Variants in COL15A1 observed in about 807,000 individuals in gnomAD.
COL15A1 encodes the protein collagen alpha-1(XV) chain.
In COL15A1, 111 loss-of-function variants were observed where a neutral mutation model predicts 165.9. The ratio of observed to expected loss-of-function variants is 0.67; its 90% confidence interval spans 0.57 to 0.78. The LOEUF is 0.78. COL15A1 is among the 30% of genes least tolerant of loss of function. COL15A1 has a pLI of 0.00. For synonymous variants in COL15A1, 659 were observed against 674.8 expected (o/e 0.98, Z 0.36); for missense variants, 1,745 against 1,789.7 (o/e 0.98, Z 0.45).
chr9:99,043,105 A>C (rs529927308), intron 24 of COL15A1, among the ~76,000 whole-genome samples: 1 of 151,948 alleles, frequency 6.6e-6, no homozygotes, highest in Admixed American at 6.6e-5. Flanking sequence ...GGAGTCAAGG[A>C]GGGTGGGTGT....
rs183790472 is a variant in COL15A1, at chr9:98,946,568, C to T, written c.100+2318C>T. On this transcript the variant is annotated intron_variant, in intron 2 of 41. Coordinates refer to ENST00000375001, the MANE Select transcript of COL15A1 (RefSeq NM_001855.5). ...TGTCTTACAGAGGGGATGTGACTTCCTCAAGGCCGCATGACTGTAACTGGG... is the reference window on the plus strand; with the variant it reads ...TGTCTTACAGAGGGGATGTGACTTCTTCAAGGCCGCATGACTGTAACTGGG... 3.5e-3 allele frequency among the ~76,000 whole-genome samples: 527 copies of T among 152,304 alleles called. 2 individuals are homozygous for T. Among genetic ancestry groups the T allele is most frequent in the African/African-American group, 0.012 (499 of 41,554 alleles).
At chr9:98,997,235 A>T in intron 6 of COL15A1, 154 bp downstream of exon 6, 1 of 983,052 alleles carries the variant, frequency 1.0e-6, no homozygotes, top group Non-Finnish European at 1.4e-6. Context: ...TACAGACAAG[A>T]GGAGGAAATT....
chr9:98,989,643 T>C (rs749181952), intron 5 of COL15A1, among the ~76,000 whole-genome samples: 5 of 152,132 alleles, frequency 3.3e-5, no homozygotes, highest in Non-Finnish European at 7.4e-5. Context: ...GTTTCCAGGG[T>C]TAGATGATGA....
At chr9:99,017,133 A>C (rs1838950198) in intron 11 of COL15A1, among the ~76,000 whole-genome samples, 1 of 152,218 alleles carries the variant, frequency 6.6e-6, no homozygotes, top group South Asian at 2.1e-4. Context: ...TGTCCGCAAC[A>C]AATTCACAAT....
intron 16 of COL15A1, among the ~76,000 whole-genome samples, chr9:99,033,652 C>A (rs1009903662): frequency 5.9e-5 from 9 of 152,218 alleles, no homozygotes; most frequent in Non-Finnish European, 1.2e-4. Context: ...ACTATCCATT[C>A]TCTCATTTCC....
rs141210621 is a variant in COL15A1 at position 98,950,700 on chromosome 9, C to T, written c.100+6450C>T. 2.9e-3 allele frequency among the ~76,000 whole-genome samples: 437 copies of T among 151,608 alleles called. 1 individual carries two copies. The highest frequency in any genetic ancestry group is 0.014 in the Admixed American group (215 of 15,196). On this transcript the variant is annotated intron_variant, in intron 2 of 41. Coordinates refer to ENST00000375001, the MANE Select transcript of COL15A1 (RefSeq NM_001855.5). ...GCCCATCTTGGCTCACTGCAACCTC[C>T]ACCTCCCAGGTTCAAGCAATTCTCC...
At chr9:99,067,550 G>A (rs1458439938) in intron 40 of COL15A1, among the ~76,000 whole-genome samples, 2 of 152,098 alleles carry the variant, frequency 1.3e-5, no homozygotes, top group Non-Finnish European at 2.9e-5. Flanking sequence ...AGGATCCCTC[G>A]ATTATTCCAT....
At position 98,985,972 on chromosome 9, in the gene COL15A1, G is replaced by A. The variant is rs887513597; in HGVS notation, c.508G>A (p.Gly170Ser). 6.2e-7 allele frequency: 1 copy of A among 1,613,998 alleles called. No individual in the cohort carries two copies. The highest frequency in any genetic ancestry group is 8.5e-7 in the Non-Finnish European group (1 of 1,180,036). Residue 170 changes from glycine to serine, a missense_variant, in exon 3 of 42, where the codon GGT becomes AGT. Transcript: ENST00000375001. Reference protein sequence around the residue: ...RWNRFAMIVQGEEVTLLVNCE... With the variant: ...RWNRFAMIVQSEEVTLLVNCE... ...GAACCGCTTCGCCATGATTGTCCAGGGTGAGGAAGTGACCCTCCTCGTGAA... is the reference window on the plus strand; with the variant it reads ...GAACCGCTTCGCCATGATTGTCCAGAGTGAGGAAGTGACCCTCCTCGTGAA...
intron 2 of COL15A1, among the ~76,000 whole-genome samples, chr9:98,955,809 C>T (rs749504083): frequency 7.9e-5 from 12 of 152,322 alleles, no homozygotes; most frequent in South Asian, 4.1e-4. Flanking sequence ...ACACACAGAA[C>T]CTCTGAAATA....
intron 28 of COL15A1, among the ~76,000 whole-genome samples, chr9:99,048,672 T>C (rs1038850332): frequency 1.3e-4 from 19 of 150,138 alleles, no homozygotes; most frequent in Admixed American, 4.0e-4. Flanking sequence ...AGGTATATCT[T>C]CTAATGCTAT....
Position 98,976,036 on chromosome 9 carries a change from G to A in COL15A1, c.101-9529G>A, listed in dbSNP as rs1838137583. On this transcript the variant is annotated intron_variant, in intron 2 of 41. Coordinates refer to ENST00000375001, the MANE Select transcript of COL15A1 (RefSeq NM_001855.5). ...TTGCTTTTATGCTGAAGGCACTGGGGAGCCATTGAAGGCTTTGGAGCTTGT... is the reference window on the plus strand; with the variant it reads ...TTGCTTTTATGCTGAAGGCACTGGGAAGCCATTGAAGGCTTTGGAGCTTGT... Among the ~76,000 whole-genome samples, 3 of 152,184 alleles carry A rather than the reference G, an allele frequency of 2.0e-5. 1 individual carries two copies. The South Asian group carries it at 6.2e-4, about 32-fold the overall frequency.
intron 24 of COL15A1, among the ~76,000 whole-genome samples, chr9:99,043,191 A>C (rs1839440716): frequency 6.6e-6 from 1 of 151,526 alleles, no homozygotes; most frequent in Non-Finnish European, 1.5e-5. Context: ...TCCAAGGAGG[A>C]GAGGGCCTCC....
intron 4 of COL15A1, among the ~76,000 whole-genome samples, chr9:98,988,233 G>A (rs574283481): frequency 1.3e-5 from 2 of 152,232 alleles, no homozygotes; most frequent in African/African-American, 2.4e-5. Context: ...GCCCCTGAGA[G>A]GTGGAATTTG....
intron 26 of COL15A1, 134 bp from the exon 27 acceptor site, chr9:99,047,652 C>T: frequency 1.1e-6 from 1 of 893,618 alleles, no homozygotes; most frequent in South Asian, 1.4e-5. Flanking sequence ...GGGGCTTCTA[C>T]CTGGCTCCCT....
At position 98,943,979 on chromosome 9, in the gene COL15A1, C is replaced by T. The variant is rs959386710; in HGVS notation, c.-83C>T. 103 of 1,580,802 alleles carry T rather than the reference C, an allele frequency of 6.5e-5. No homozygotes were observed. Among genetic ancestry groups the T allele is most frequent in the South Asian group, 1.4e-4 (12 of 88,410 alleles). ...GGAAGGGCGAGCGCGGCGGCCAGCG[C>T]TCAGCGACCCTTCGTCCTCCGCTAA... On this transcript the variant is annotated 5_prime_UTR_variant, in exon 1 of 42. Coordinates refer to ENST00000375001, the MANE Select transcript of COL15A1 (RefSeq NM_001855.5).
At chr9:99,063,860 T>G (rs1479935439) in intron 39 of COL15A1, among the ~76,000 whole-genome samples, 1 of 152,140 alleles carries the variant, frequency 6.6e-6, no homozygotes. Flanking sequence ...AGGTCAAGAA[T>G]GATGCCCAGG....
chr9:98,948,285 T>C (rs1176528772), intron 2 of COL15A1, among the ~76,000 whole-genome samples: 1 of 152,006 alleles, frequency 6.6e-6, no homozygotes, highest in Non-Finnish European at 1.5e-5. Context: ...ATCCCATCCT[T>C]CTACACCATC....
At position 99,061,994 on chromosome 9, in the gene COL15A1, T is replaced by A. The variant is rs1255110447; in HGVS notation, c.3426T>A (p.Asp1142Glu). 6.2e-7 allele frequency: 1 copy of A among 1,613,556 alleles called. No individual in the cohort carries two copies. The highest frequency in any genetic ancestry group is 8.5e-7 in the Non-Finnish European group (1 of 1,179,900). ...AGGTCACAGCATTCAGCAACATGGATGACATGCTGCAGAAAGCGCATTTGG... is the reference window on the plus strand; with the variant it reads ...AGGTCACAGCATTCAGCAACATGGAAGACATGCTGCAGAAAGCGCATTTGG... ...RNLVTAFSNM[D>E]DMLQKAHLVI... is the part of the protein sequence containing the mutation. The change falls in exon 37 of 42, where the codon GAT becomes GAA. Residue 1142 changes from aspartate (D) to glutamate (E), a missense_variant. Asp to Glu is a conservative substitution (Grantham distance 45). Coordinates refer to ENST00000375001, the MANE Select transcript of COL15A1 (RefSeq NM_001855.5).
At chr9:99,065,220 G>A (rs56241341) in intron 39 of COL15A1, among the ~76,000 whole-genome samples, 2,411 of 152,306 alleles carry the variant, frequency 0.016, 36 homozygotes, top group Non-Finnish European at 0.024. Flanking sequence ...TGGGATTAGA[G>A]GTGGCAAGGA....
Sources: gnomAD v4.1 joint callset for allele counts (sites outside exome capture counted in the v4.1 genomes callset) on GRCh38, gnomAD v4.1.1 for gene constraint, MANE v1.5 for transcripts, NCBI Gene and HGNC (gene_info 2026-07-23, HGNC 2026-07-21) for gene names.